The following TBC1D8 variants were observed in gnomAD, a reference collection of about 807,000 sequenced individuals.
The protein encoded by TBC1D8 is TBC1 domain family member 8, also known as BUB2-like protein 1.
Under a neutral mutation model 118.8 loss-of-function variants are expected in TBC1D8, and 65 were observed. The observed-to-expected ratio is 0.55, with a 90% CI of 0.45 to 0.67. The LOEUF (loss-of-function observed/expected upper bound fraction) is 0.67, where lower values mean the gene tolerates loss of function less well. TBC1D8 is among the 30% of genes least tolerant of loss of function. The pLI is 0.00. For missense variants in TBC1D8, 1,376 were observed against 1,471.2 expected, an observed-to-expected ratio of 0.94 and a Z score of 1.06; for synonymous variants, 566 against 595.8, an observed-to-expected ratio of 0.95 and a Z score of 0.73.
In TBC1D8 at chr2:101,054,286, T is replaced by C. The variant is rs1411224766; in HGVS notation, c.453A>G (p.Glu151=). The C allele has an allele frequency of 6.3e-7, 1 of 1,589,746 alleles. No individual in the cohort carries two copies. Among genetic ancestry groups the C allele is most frequent in the South Asian group, 1.1e-5 (1 of 87,224 alleles). The change falls in exon 4 of 20, where the codon GAA becomes GAG. Residue 151 remains glutamate (E), a synonymous_variant. Transcript: ENST00000409318. ...TSSRLAEQEE[E]PEKFREALVK... Reference sequence around the variant, plus strand: ...CCAGGGCTTCTCGGAATTTCTCGGGTTCCTCCTCCTGCTCGGCGAGCCTGC... The same window carrying C: ...CCAGGGCTTCTCGGAATTTCTCGGGCTCCTCCTCCTGCTCGGCGAGCCTGC...
intron 9 of TBC1D8, among the ~76,000 whole-genome samples, chr2:101,035,220 C>T (rs1680932286): frequency 6.6e-6 from 1 of 152,142 alleles, no homozygotes; most frequent in Non-Finnish European, 1.5e-5. Flanking sequence ...AAGGGACCCT[C>T]TCACCTGGCC....
Position 101,054,157 on chromosome 2 carries a change from GTACAGCCAGCCCT to G in TBC1D8, c.569_581del (p.Gln190ProfsTer30). ...AGAAGCAGAGGTGGTTGATGCTGAGGTACAGCCAGCCCTGGCGGGGCACCCTGCCCTTCCAACA... is the reference window on the plus strand; with the variant it reads ...AGAAGCAGAGGTGGTTGATGCTGAGGGGCGGGGCACCCTGCCCTTCCAACA... On this transcript the variant is annotated frameshift_variant, in exon 4 of 20. Coordinates refer to ENST00000409318, the MANE Select transcript of TBC1D8 (RefSeq NM_001330348.2). LOFTEE classifies it high-confidence loss of function. 6.2e-7 allele frequency: 1 copy of G among 1,613,664 alleles called. No homozygotes were observed. Among genetic ancestry groups the G allele is most frequent in the Non-Finnish European group, 8.5e-7 (1 of 1,179,800 alleles).
At chr2:101,008,777 CT>C (rs1678946948) in intron 19 of TBC1D8, among the ~76,000 whole-genome samples, 1 of 151,368 alleles carries the variant, frequency 6.6e-6, no homozygotes, top group Non-Finnish European at 1.5e-5. Flanking sequence ...CACCATTGCA[CT>C]CCAGCCTGGG....
chr2:101,149,788 G>A (rs1243502835), intron 1 of TBC1D8, among the ~76,000 whole-genome samples: 3 of 152,174 alleles, frequency 2.0e-5, no homozygotes, highest in Non-Finnish European at 4.4e-5. Flanking sequence ...CAAGGCCACT[G>A]TGGCCCCTGC....
intron 15 of TBC1D8, chr2:101,023,688 C>T (rs1467823156): frequency 2.4e-6 from 1 of 409,050 alleles, no homozygotes; most frequent in Middle Eastern, 3.6e-4. Flanking sequence ...CCGGCCCCAT[C>T]GCTGAGGACC....
intron 2 of TBC1D8, among the ~76,000 whole-genome samples, chr2:101,087,234 G>C (rs34429055): frequency 0.39 from 58,531 of 152,012 alleles, 11,515 homozygotes; most frequent in Middle Eastern, 0.45. Flanking sequence ...TGTCACTCAA[G>C]TCCAGAAACA....
intron 3 of TBC1D8, among the ~76,000 whole-genome samples, chr2:101,058,174 G>A (rs1682548018): frequency 1.3e-5 from 2 of 152,100 alleles, no homozygotes; most frequent in Admixed American, 6.6e-5. Flanking sequence ...GCCCACCAAC[G>A]CCTAGCCCAC....
chr2:101,054,073 C>T, intron 4 of TBC1D8, 35 bp downstream of exon 4: 1 of 1,578,908 alleles, frequency 6.3e-7, no homozygotes, highest in Non-Finnish European at 8.6e-7. Flanking sequence ...CTGGGGCCAA[C>T]TTTATCTTGG....
At chr2:101,037,771 G>A (rs184119166) in intron 7 of TBC1D8, 63 bp from the exon 8 acceptor site, 241 of 1,594,970 alleles carry the variant, frequency 1.5e-4, no homozygotes, top group Non-Finnish European at 1.9e-4. Flanking sequence ...GGCTTTAGTC[G>A]AGGGGACAGT....
rs1334485486 is a variant in TBC1D8 at position 101,049,753 on chromosome 2, A to C, written c.872+648T>G. ...AAAAAAAAATAAAAAAAGAAAAAGA[A>C]AAGACAAAATGTCTTAATGTTCACT... is the stretch of plus-strand genomic sequence containing the variant. On this transcript the variant is annotated intron_variant, in intron 5 of 19. Transcript: ENST00000409318. Among the ~76,000 whole-genome samples, 3 of 152,140 alleles carry C rather than the reference A, an allele frequency of 2.0e-5. No individual in the cohort carries two copies. In the East Asian group the frequency reaches 5.8e-4, roughly 29 times the overall value.
intron 1 of TBC1D8, among the ~76,000 whole-genome samples, chr2:101,138,355 G>T (rs1678948478): frequency 6.6e-6 from 1 of 152,170 alleles, no homozygotes; most frequent in South Asian, 2.1e-4. Flanking sequence ...AATGTATGGG[G>T]AGTTTTCCCA....
chr2:101,078,525 C>T (rs1023264885), intron 2 of TBC1D8, among the ~76,000 whole-genome samples: 18 of 151,792 alleles, frequency 1.2e-4, no homozygotes, highest in Admixed American at 5.9e-4. Flanking sequence ...TCCTAAAATA[C>T]GTAGGAGAGA....
At chr2:101,069,490 G>A (rs1409223660) in intron 2 of TBC1D8, among the ~76,000 whole-genome samples, 1 of 152,156 alleles carries the variant, frequency 6.6e-6, no homozygotes, top group Non-Finnish European at 1.5e-5. Context: ...GGAGGCTGAG[G>A]CAGGAGAACT....
intron 2 of TBC1D8, among the ~76,000 whole-genome samples, chr2:101,062,785 G>A (rs1410608411): frequency 2.6e-5 from 4 of 152,102 alleles, no homozygotes; most frequent in African/African-American, 4.8e-5. Flanking sequence ...GGGACCACAG[G>A]CGCACACCAC....
intron 1 of TBC1D8, among the ~76,000 whole-genome samples, chr2:101,147,969 T>A (rs1343909783): frequency 6.6e-6 from 1 of 152,090 alleles, no homozygotes; most frequent in Non-Finnish European, 1.5e-5. Context: ...TGGAAACATC[T>A]CATAATCCTG....
At position 101,051,810 on chromosome 2, in the gene TBC1D8, C is replaced by T. The variant is rs561914376; in HGVS notation, c.632-1169G>A. ...CTATTACTAAAAAGTCAAAAAATAA[C>T]AGATGCTGGCGAGGTTGTGGAGAAA... On this transcript the variant is annotated intron_variant, in intron 4 of 19. Coordinates refer to ENST00000409318, the MANE Select transcript of TBC1D8 (RefSeq NM_001330348.2). Among the ~76,000 whole-genome samples, 6 of 152,248 alleles carry T rather than the reference C, an allele frequency of 3.9e-5. No homozygotes were observed. The South Asian group carries it at 1.2e-3, about 32-fold the overall frequency.
chr2:101,032,913 CAT>C (rs1453711594), intron 10 of TBC1D8: 3 of 172,646 alleles, frequency 1.7e-5, no homozygotes, highest in South Asian at 1.4e-4. Flanking sequence ...CACCTCCACT[CAT>C]GTGTCCTAAA....
chr2:101,058,984 C>G (rs1386204450), intron 3 of TBC1D8, among the ~76,000 whole-genome samples: 1 of 151,902 alleles, frequency 6.6e-6, no homozygotes, highest in African/African-American at 2.4e-5. Context: ...CGGCTCACTG[C>G]AAGCACCACC....
At chr2:101,017,038 C>T (rs1468883306) in intron 17 of TBC1D8, among the ~76,000 whole-genome samples, 1 of 150,674 alleles carries the variant, frequency 6.6e-6, no homozygotes, top group Non-Finnish European at 1.5e-5. Flanking sequence ...AACTAACCTG[C>T]ACATTGTGCA....
Sources: gnomAD v4.1 joint callset for allele counts (sites outside exome capture counted in the v4.1 genomes callset) on GRCh38, gnomAD v4.1.1 for gene constraint, MANE v1.5 for transcripts, NCBI Gene and HGNC (gene_info 2026-07-23, HGNC 2026-07-21) for gene names.